ANK1: variants seen among roughly 807,000 people sequenced by gnomAD.
ANK1 encodes ankyrin-1.
In ANK1, 51 loss-of-function variants were observed where a neutral mutation model predicts 210.4. That is an observed-to-expected ratio of 0.24 (90% CI 0.19 to 0.31). The LOEUF is 0.31. Ranked by LOEUF, ANK1 falls within the 10% of genes least tolerant of loss-of-function variation. The probability of loss-of-function intolerance (pLI) is 1.00; values close to 1 mark genes in which losing one functional copy is unlikely to be tolerated. For synonymous variants in ANK1, 967 were observed against 1,025.9 expected (o/e 0.94, Z 1.10); for missense variants, 2,051 against 2,504.4 (o/e 0.82, Z 3.86).
At chr8:41,857,663 G>A (rs548857168) in intron 1 of ANK1, among the ~76,000 whole-genome samples, 8 of 151,794 alleles carry the variant, frequency 5.3e-5, no homozygotes, top group South Asian at 2.1e-4. Context: ...ACTTGAACCC[G>A]GGAGGCTGAG....
Position 41,702,141 on chromosome 8 carries a change from C to T in ANK1, c.2299G>A (p.Gly767Arg), listed in dbSNP as rs1052013937. 6.2e-7 allele frequency: 1 copy of T among 1,614,012 alleles called. No homozygotes were observed. The highest frequency in any genetic ancestry group is 8.5e-7 in the Non-Finnish European group (1 of 1,179,966). ...TTGGCTATGGCCAGAGGTGTGGTTC[C>T]ATCCTGGGGAAAGAGCAGCCCGGGT... ...GASPNEVSSD[G>R]TTPLAIAKRL... The change falls in exon 21 of 43, where the codon GGA becomes AGA. Residue 767 changes from glycine (G) to arginine (R), a missense_variant. Physicochemically the swap from Gly to Arg is moderately radical, Grantham distance 125. Transcript: ENST00000289734.
intron 7 of ANK1, among the ~76,000 whole-genome samples, 166 bp downstream of exon 7, chr8:41,724,290 G>A (rs1004373081): frequency 1.3e-5 from 2 of 152,202 alleles, no homozygotes; most frequent in African/African-American, 4.8e-5. Context: ...GGTGGAAACT[G>A]GGGGGTAGAT....
rs573450790 is a variant in ANK1, at chr8:41,861,394, A to T, written c.126+34961T>A. 5.9e-5 allele frequency among the ~76,000 whole-genome samples: 9 copies of T among 152,334 alleles called. No individual in the cohort carries two copies. The East Asian group carries it at 1.5e-3, about 26-fold the overall frequency. ...GGAACACTGCAGGACAGAACCCCCGATGAACATTTGCACTAATAAAGGCTT... is the reference window on the plus strand; with the variant it reads ...GGAACACTGCAGGACAGAACCCCCGTTGAACATTTGCACTAATAAAGGCTT... On this transcript the variant is annotated intron_variant, in intron 1 of 42. Transcript: ENST00000265709.
chr8:41,665,465 G>A (rs536736750), intron 39 of ANK1: 7 of 371,012 alleles, frequency 1.9e-5, no homozygotes, highest in Admixed American at 7.6e-5. Flanking sequence ...GTGGGGGCTC[G>A]GCCTCTCACC....
chr8:41,879,189 G>A (rs1260745172), intron 1 of ANK1, among the ~76,000 whole-genome samples: 1 of 152,198 alleles, frequency 6.6e-6, no homozygotes, highest in Non-Finnish European at 1.5e-5. Flanking sequence ...TGCCTCTAGA[G>A]AGCCGTGACC....
In ANK1 at chr8:41,695,421, T is replaced by C. The variant is rs996697231; in HGVS notation, c.2961-90A>G. On this transcript the variant is annotated intron_variant, in intron 26 of 42. Coordinates refer to ENST00000289734, the MANE Select transcript of ANK1 (RefSeq NM_000037.4). ...ATGGGGCTGCCGGCTCCCACCCAGA[T>C]GGATAAGGCACTTCCGCAGCCACGT... 3.6e-5 allele frequency: 56 copies of C among 1,577,258 alleles called. 1 individual carries two copies. The highest frequency in any genetic ancestry group is 3.2e-4 in the South Asian group (29 of 89,794).
chr8:41,688,849 T>A (rs1465837089), intron 33 of ANK1, among the ~76,000 whole-genome samples: 2 of 152,236 alleles, frequency 1.3e-5, no homozygotes, highest in Non-Finnish European at 2.9e-5. Context: ...TGTGAGGCCC[T>A]ATTTAATGTT....
At chr8:41,842,278 G>A (rs1279376426) in intron 1 of ANK1, among the ~76,000 whole-genome samples, 2 of 152,156 alleles carry the variant, frequency 1.3e-5, no homozygotes, top group Admixed American at 6.5e-5. Context: ...ACATCATGAG[G>A]TCAGGAGTTC....
chr8:41,770,871 T>C (rs1387747831), intron 1 of ANK1, among the ~76,000 whole-genome samples: 2 of 152,184 alleles, frequency 1.3e-5, no homozygotes. Context: ...GAATGCCACA[T>C]TGGAGCTAAT....
intron 16 of ANK1, among the ~76,000 whole-genome samples, chr8:41,711,494 G>A (rs1826109566): frequency 6.6e-6 from 1 of 152,170 alleles, no homozygotes; most frequent in Non-Finnish European, 1.5e-5. Context: ...ATTATCAACA[G>A]GACCCAAGGC....
intron 1 of ANK1, among the ~76,000 whole-genome samples, chr8:41,836,405 A>G (rs16890886): frequency 0.02 from 3,026 of 152,354 alleles, 36 homozygotes; most frequent in East Asian, 0.029. Context: ...AGCAGGGACC[A>G]TGTGACTAGA....
At chr8:41,778,189 C>T (rs904749101) in intron 1 of ANK1, among the ~76,000 whole-genome samples, 1 of 152,208 alleles carries the variant, frequency 6.6e-6, no homozygotes, top group Non-Finnish European at 1.5e-5. Context: ...TTGGTTCCTA[C>T]TCTTGGGAAG....
intron 2 of ANK1, among the ~76,000 whole-genome samples, chr8:41,757,639 A>G (rs553279556): frequency 5.1e-4 from 77 of 152,296 alleles, no homozygotes; most frequent in Non-Finnish European, 9.1e-4. Flanking sequence ...CTTTCTTCTC[A>G]GGCTAGCCGA....
chr8:41,794,920 G>C (rs192273303), intron 1 of ANK1, among the ~76,000 whole-genome samples: 125 of 152,180 alleles, frequency 8.2e-4, no homozygotes, highest in Middle Eastern at 3.4e-3. Flanking sequence ...TGGCCAGGCT[G>C]GCCTCGAACT....
intron 1 of ANK1, among the ~76,000 whole-genome samples, chr8:41,768,035 C>T (rs140462957): frequency 6.6e-5 from 10 of 152,378 alleles, no homozygotes; most frequent in Admixed American, 1.3e-4. Flanking sequence ...GCCTCCCGCA[C>T]TGCTCTGACG....
chr8:41,832,730 A>C (rs990693213), intron 1 of ANK1, among the ~76,000 whole-genome samples: 11 of 152,224 alleles, frequency 7.2e-5, no homozygotes, highest in African/African-American at 2.4e-4. Context: ...AGGATACCCA[A>C]TACATTTGAA....
intron 24 of ANK1, among the ~76,000 whole-genome samples, chr8:41,697,551 G>A (rs1821410102): frequency 6.6e-6 from 1 of 151,924 alleles, no homozygotes; most frequent in South Asian, 2.1e-4. Context: ...ACACCACACA[G>A]TGGAGCACTC....
chr8:41,748,931 G>A (rs1256412691), intron 2 of ANK1, among the ~76,000 whole-genome samples: 3 of 151,902 alleles, frequency 2.0e-5, no homozygotes, highest in Non-Finnish European at 2.9e-5. Context: ...GCTACTTGGG[G>A]GGCTGAGGCA....
chr8:41,857,740 G>GAA (rs546644189), intron 1 of ANK1, among the ~76,000 whole-genome samples: 62 of 118,100 alleles, frequency 5.2e-4, no homozygotes, highest in African/African-American at 1.3e-3. Flanking sequence ...CTCCATCTCA[G>GAA]AAAAAAAAAA....
Sources: gnomAD v4.1 joint callset for allele counts (sites outside exome capture counted in the v4.1 genomes callset) on GRCh38, gnomAD v4.1.1 for gene constraint, MANE v1.5 for transcripts, NCBI Gene and HGNC (gene_info 2026-07-23, HGNC 2026-07-21) for gene names.